PIEZO2: variants seen among roughly 807,000 people sequenced by gnomAD.
PIEZO2 encodes piezo-type mechanosensitive ion channel component 2.
A neutral mutation model predicts 337.3 loss-of-function variants in PIEZO2; 172 were observed. The ratio of observed to expected loss-of-function variants is 0.51; its 90% confidence interval spans 0.45 to 0.58. The LOEUF is 0.58. PIEZO2 is among the 20% of genes least tolerant of loss of function. The pLI, the probability that PIEZO2 is intolerant of heterozygous loss-of-function variation, is 0.00. For missense variants in PIEZO2, 3,028 were observed against 3,391.3 expected, an observed-to-expected ratio of 0.89 and a Z score of 2.66; for synonymous variants, 1,251 against 1,228.5, an observed-to-expected ratio of 1.02 and a Z score of -0.38.
chr18:10,742,752 TG>T (rs745310644), intron 31 of PIEZO2, 137 bp from the exon 32 acceptor site: 5 of 904,164 alleles, frequency 5.5e-6, no homozygotes, highest in South Asian at 1.9e-5. Context: ...AATTGTAAAA[TG>T]GTTGCTCATT....
chr18:11,089,053 C>T (rs2038991668), intron 1 of PIEZO2, among the ~76,000 whole-genome samples: 2 of 152,250 alleles, frequency 1.3e-5, no homozygotes, highest in Admixed American at 6.5e-5. Context: ...GTCTAGGGTT[C>T]GTATGTGCAT....
chr18:11,047,458 G>GT lies in PIEZO2; in HGVS notation c.160+18668_160+18669insA, dbSNP rs2145834485. On this transcript the variant is annotated intron_variant, in intron 2 of 55. Coordinates refer to ENST00000674853, the MANE Select transcript of PIEZO2 (RefSeq NM_001378183.1). This position sits in a 1 kb window ranked among gnomAD's most constrained non-coding sequence, Gnocchi z 7.2. ...CCAAGAACAGGGCAAGGGGCAAGGG[G>GT]ACAGGGACTCCTCTCCTCCCTCCCC... Among the ~76,000 whole-genome samples, 1 of 152,242 alleles carries GT rather than the reference G, an allele frequency of 6.6e-6. No individual in the cohort carries two copies. The highest frequency in any genetic ancestry group is 2.4e-5 in the African/African-American group (1 of 41,542).
intron 21 of PIEZO2, among the ~76,000 whole-genome samples, chr18:10,763,521 T>C (rs1287852848): frequency 6.6e-6 from 1 of 152,154 alleles, no homozygotes; most frequent in Non-Finnish European, 1.5e-5. Flanking sequence ...CAGGAAAGCA[T>C]GAGCTAGCAT....
chr18:11,096,041 G>C lies in PIEZO2; in HGVS notation c.65-29819C>G, dbSNP rs897271867. Among the ~76,000 whole-genome samples, 1 of 152,190 alleles carries C rather than the reference G, an allele frequency of 6.6e-6. No homozygotes were observed. Among genetic ancestry groups the C allele is most frequent in the South Asian group, 2.1e-4 (1 of 4,834 alleles). ...GTGCCCAAGGAGAGACTATGAGAGG[G>C]AGGCAGCTTTGCCTCCACTGCATGG... On this transcript the variant is annotated intron_variant, in intron 1 of 55. Coordinates refer to ENST00000674853, the MANE Select transcript of PIEZO2 (RefSeq NM_001378183.1). This position sits in a 1 kb window ranked among gnomAD's most constrained non-coding sequence, Gnocchi z 4.6.
In PIEZO2 at chr18:10,886,375, T is replaced by C. The variant is rs2042590493; in HGVS notation, c.330-14960A>G. Among the ~76,000 whole-genome samples the C allele has an allele frequency of 9.3e-5, 2 of 21,444 alleles. 1 individual carries two copies. The highest frequency in any genetic ancestry group is 1.4e-4 in the Non-Finnish European group (2 of 14,602). 14.1% of individuals were successfully genotyped at this position (21,444 alleles called of 152,430 possible). ...ACACACACACACATATATATGTGTG[T>C]GTGTGTATATATATATATATATATA... is the stretch of plus-strand genomic sequence containing the variant. On this transcript the variant is annotated intron_variant, in intron 4 of 55. Transcript: ENST00000674853.
intron 35 of PIEZO2, among the ~76,000 whole-genome samples, chr18:10,734,185 T>G (rs1470700283): frequency 6.6e-6 from 1 of 152,180 alleles, no homozygotes; most frequent in Non-Finnish European, 1.5e-5. Flanking sequence ...AATTCTAAAA[T>G]ATGAATTGAG....
chr18:11,098,741 T>A (rs2039327705), intron 1 of PIEZO2, among the ~76,000 whole-genome samples: 1 of 152,014 alleles, frequency 6.6e-6, no homozygotes, highest in Non-Finnish European at 1.5e-5. Context: ...ATTTACTATA[T>A]CAGTACATAC....
chr18:10,944,492 TATATATATATATATCTTAGTAACAG>T lies in PIEZO2; in HGVS notation c.287-33289_287-33265del, dbSNP rs1398025797. Among the ~76,000 whole-genome samples, 161 of 26,384 alleles carry T rather than the reference TATATATATATATATCTTAGTAACAG, an allele frequency of 6.1e-3. 2 individuals are homozygous for T. In the Middle Eastern group the frequency reaches 0.065, roughly 11 times the overall value. The allele number at this position is 26,384 out of a possible 152,430, so 17.3% of individuals were successfully genotyped here. On this transcript the variant is annotated intron_variant, in intron 3 of 55. Coordinates refer to ENST00000674853, the MANE Select transcript of PIEZO2 (RefSeq NM_001378183.1). Reference sequence around the variant, plus strand: ...AGATTATATATATCTTAGTAACATATATATATATATATATCTTAGTAACAGATATATATATATATATATATATATA... The same window carrying T: ...AGATTATATATATCTTAGTAACATATATATATATATATATATATATATATA...
rs1481600968 is a variant in PIEZO2, at chr18:10,791,286, C to T, written c.1797G>A (p.Gln599=). 9 of 1,531,980 alleles carry T rather than the reference C, an allele frequency of 5.9e-6. No individual in the cohort carries two copies. The highest frequency in any genetic ancestry group is 7.9e-6 in the Non-Finnish European group (9 of 1,144,442). 94.9% of individuals were successfully genotyped at this position (1,531,980 alleles called of 1,614,324 possible). ...GCAGAGCTTTTTGCTCTGTGAGGTG[C>T]TGCCTCAGCAGTAGCCAAAAAGTAA... ...FTITFWLLLR[Q]HLTEQKALQE... Residue 599 remains glutamine, a synonymous_variant, in exon 14 of 56, where the codon CAG becomes CAA. Transcript: ENST00000674853.
At chr18:10,747,542 G>A (rs543751859) in intron 30 of PIEZO2, among the ~76,000 whole-genome samples, 26 of 152,242 alleles carry the variant, frequency 1.7e-4, no homozygotes, top group African/African-American at 5.3e-4. Flanking sequence ...AATGAATTCC[G>A]GAGCAGTGCG....
intron 3 of PIEZO2, among the ~76,000 whole-genome samples, chr18:10,924,076 G>A (rs1428091383): frequency 6.6e-6 from 1 of 152,204 alleles, no homozygotes; most frequent in African/African-American, 2.4e-5. Context: ...AGACAGGCAT[G>A]GCTCAGAAGA....
chr18:10,705,849 C>A, intron 40 of PIEZO2, 103 bp from the exon 41 acceptor site: 1 of 1,300,008 alleles, frequency 7.7e-7, no homozygotes, highest in Non-Finnish European at 1.0e-6. Flanking sequence ...TAAGGAAATG[C>A]CCCATTTTCC....
chr18:10,789,346 T>C lies in PIEZO2; in HGVS notation c.1902A>G (p.Ile634Met). The change falls in exon 15 of 56, where the codon ATA becomes ATG. Residue 634 changes from isoleucine (I) to methionine (M), a missense_variant. Coordinates refer to ENST00000674853, the MANE Select transcript of PIEZO2 (RefSeq NM_001378183.1). ...CCTCTTTGGGCTCTCCTTCCACTTG[T>C]ATATCTTGAAGTTCCTCATCTTCAA... is the stretch of plus-strand genomic sequence containing the variant. ...NEEKDEELQDIQVEGEPKEEE... is the reference protein window; with the variant it reads ...NEEKDEELQDMQVEGEPKEEE... 2 of 1,536,624 alleles carry C rather than the reference T, an allele frequency of 1.3e-6. No individual in the cohort carries two copies. Among genetic ancestry groups the C allele is most frequent in the South Asian group, 1.2e-5 (1 of 83,950 alleles).
chr18:11,004,566 G>A (rs1177098788), intron 2 of PIEZO2, among the ~76,000 whole-genome samples: 1 of 152,150 alleles, frequency 6.6e-6, no homozygotes, highest in Non-Finnish European at 1.5e-5. Flanking sequence ...AGTTTAGAAC[G>A]GATAAGGAAG....
At position 11,142,145 on chromosome 18, in the gene PIEZO2, T is replaced by G. The variant is rs189867983; in HGVS notation, c.64+6380A>C. ...TATGATAAAGCAAGGCAAATAAAAC[T>G]TATATGTATATGCTGCAGGTGCAAT... On this transcript the variant is annotated intron_variant, in intron 1 of 55. Transcript: ENST00000674853. 4.8e-3 allele frequency among the ~76,000 whole-genome samples: 736 copies of G among 152,288 alleles called. 6 individuals carry two copies. The highest frequency in any genetic ancestry group is 0.017 in the Middle Eastern group (5 of 294).
At position 10,795,563 on chromosome 18, in the gene PIEZO2, G is replaced by T. The variant is rs148643172; in HGVS notation, c.1528-561C>A. ...TGTCAAAAAGTAACCAAAGAACACAGAACTAATTTTATTTGAAGAATAGAG... is the reference window on the plus strand; with the variant it reads ...TGTCAAAAAGTAACCAAAGAACACATAACTAATTTTATTTGAAGAATAGAG... On this transcript the variant is annotated intron_variant, in intron 12 of 55. Transcript: ENST00000674853. The surrounding 1 kb of genome is among the most constrained non-coding windows in gnomAD (Gnocchi z 4.4). 5.9e-5 allele frequency among the ~76,000 whole-genome samples: 9 copies of T among 152,144 alleles called. No homozygotes were observed. Among genetic ancestry groups the T allele is most frequent in the Admixed American group, 5.9e-4 (9 of 15,292 alleles).
chr18:10,744,274 ATTG>A, intron 30 of PIEZO2, 43 bp from the exon 31 acceptor site: 1 of 1,243,100 alleles, frequency 8.0e-7, no homozygotes, highest in Non-Finnish European at 1.1e-6. Flanking sequence ...TATTCTTGCC[ATTG>A]TTGTTCCCCT....
chr18:10,842,021 C>T (rs1242014209), intron 7 of PIEZO2, among the ~76,000 whole-genome samples: 4 of 151,786 alleles, frequency 2.6e-5, no homozygotes, highest in African/African-American at 4.8e-5. Flanking sequence ...CTGGGCATGG[C>T]GGTGTGCGCC....
chr18:11,060,784 A>G (rs1362165041), intron 2 of PIEZO2, among the ~76,000 whole-genome samples: 1 of 152,188 alleles, frequency 6.6e-6, no homozygotes, highest in Non-Finnish European at 1.5e-5. Context: ...CAACCAGAAA[A>G]AGTCCAGGAC....
Sources: gnomAD v4.1 joint callset for allele counts (sites outside exome capture counted in the v4.1 genomes callset) on GRCh38, gnomAD v4.1.1 for gene constraint, Gnocchi (gnomAD v3.1) non-coding constraint, MANE v1.5 for transcripts, NCBI Gene and HGNC (gene_info 2026-07-23, HGNC 2026-07-21) for gene names.